POFUT2: variants seen among roughly 807,000 people sequenced by gnomAD.
POFUT2 encodes GDP-fucose protein O-fucosyltransferase 2.
In POFUT2, 30 loss-of-function variants were observed where a neutral mutation model predicts 55.0. The ratio of observed to expected loss-of-function variants is 0.55; its 90% CI spans 0.41 to 0.74. The LOEUF (loss-of-function observed/expected upper bound fraction) is 0.74, where lower values mean the gene tolerates loss of function less well. POFUT2 is among the 30% of genes least tolerant of loss of function. The probability of loss-of-function intolerance (pLI) is 0.00; values close to 1 mark genes in which losing one functional copy is unlikely to be tolerated. For synonymous variants in POFUT2, 267 were observed against 231.1 expected (o/e 1.16, Z -1.41); for missense variants, 524 against 562.6 (o/e 0.93, Z 0.69).
intron 6 of POFUT2, among the ~76,000 whole-genome samples, chr21:45,275,107 T>C (rs2093251114): frequency 6.6e-6 from 1 of 151,984 alleles, no homozygotes; most frequent in Non-Finnish European, 1.5e-5. Context: ...CATCAAAACA[T>C]AGGCTAGGGA....
chr21:45,282,946 A>ATCCC lies in POFUT2; in HGVS notation c.527+436_527+437insGGGA, dbSNP rs1207482540. ...CTGACAAGACCTCCATCCCTGTGGC[A>ATCCC]ACATCCAAATGCATGAAAAGACACA... On this transcript the variant is annotated intron_variant, in intron 3 of 8. Transcript: ENST00000349485. The surrounding 1 kb of genome is among the most constrained non-coding windows in gnomAD (Gnocchi z 4.6). The ATCCC allele has an allele frequency of 4.9e-5, 23 of 472,772 alleles. No individual in the cohort carries two copies. The highest frequency in any genetic ancestry group is 1.0e-4 in the Non-Finnish European group (23 of 228,524). The allele number at this position is 472,772 out of a possible 1,614,324, so 29.3% of individuals were successfully genotyped here. A position where few individuals can be genotyped will look rare whatever the true frequency, so the allele number is the denominator to read the frequency against.
Position 45,270,863 on chromosome 21 carries a change from G to C in POFUT2, c.832-844C>G, listed in dbSNP as rs1488931651. ...CTAGGGGAAGGCGAAGAGCGCCACAGAGCACCCCGTGGGATAAAAGAATCT... is the reference window on the plus strand; with the variant it reads ...CTAGGGGAAGGCGAAGAGCGCCACACAGCACCCCGTGGGATAAAAGAATCT... On this transcript the variant is annotated intron_variant, in intron 6 of 8. Transcript: ENST00000349485. The surrounding 1 kb of genome is among the most constrained non-coding windows in gnomAD (Gnocchi z 4.6). Among the ~76,000 whole-genome samples the C allele has an allele frequency of 2.0e-5, 3 of 152,242 alleles. No individual in the cohort carries two copies. Among genetic ancestry groups the C allele is most frequent in the Non-Finnish European group, 4.4e-5 (3 of 68,048 alleles).
intron 8 of POFUT2, chr21:45,266,250 G>T (rs777562203): frequency 4.4e-6 from 6 of 1,367,588 alleles, no homozygotes; most frequent in Non-Finnish European, 5.9e-6. Context: ...GCAAACCCCA[G>T]AGATGTTTCC....
chr21:45,277,423 C>A lies in POFUT2; in HGVS notation c.706-281G>T, dbSNP rs1193553061. On this transcript the variant is annotated intron_variant, in intron 5 of 8. Transcript: ENST00000349485. The surrounding 1 kb of genome is among the most constrained non-coding windows in gnomAD (Gnocchi z 6.9). Reference sequence around the variant, plus strand: ...ACACTGGGCTCAGCTGGCCGTTGCCCCTGGCTGGCACAACTGTGTGCAGCT... The same window carrying A: ...ACACTGGGCTCAGCTGGCCGTTGCCACTGGCTGGCACAACTGTGTGCAGCT... 9 of 443,214 alleles carry A rather than the reference C, an allele frequency of 2.0e-5. No individual in the cohort carries two copies. The highest frequency in any genetic ancestry group is 1.8e-4 in the African/African-American group (9 of 50,118). 27.5% of individuals were successfully genotyped at this position (443,214 alleles called of 1,614,324 possible).
At position 45,265,349 on chromosome 21, in the gene POFUT2, T is replaced by C; in HGVS notation, c.*133A>G. ...AGCTCTAGAGGCGTGGGGCCTCTTC[T>C]GGGCCTGGGACCCTGCGAGGGACGG... On this transcript the variant is annotated 3_prime_UTR_variant, in exon 9 of 9. Coordinates refer to ENST00000349485, the MANE Select transcript of POFUT2 (RefSeq NM_133635.6). The surrounding 1 kb of genome is among the most constrained non-coding windows in gnomAD (Gnocchi z 4.6). 2.6e-6 allele frequency: 2 copies of C among 758,570 alleles called. No homozygotes were observed. The highest frequency in any genetic ancestry group is 3.9e-5 in the South Asian group (2 of 51,070). 47.0% of individuals were successfully genotyped at this position (758,570 alleles called of 1,614,324 possible).
At position 45,285,841 on chromosome 21, in the gene POFUT2, CAG is replaced by C; in HGVS notation, c.217_218del (p.Leu73AlafsTer23). On this transcript the variant is annotated frameshift_variant, in exon 2 of 9. Coordinates refer to ENST00000349485, the MANE Select transcript of POFUT2 (RefSeq NM_133635.6). LOFTEE classifies it high-confidence loss of function. This position sits in a 1 kb window ranked among gnomAD's most constrained non-coding sequence, Gnocchi z 4.9. ...CAAGCACCCACTCCTCCGTCTTCAGCAGAGTCTTCAGGAGAGAGGCGATTCGG... is the reference window on the plus strand; with the variant it reads ...CAAGCACCCACTCCTCCGTCTTCAGCAGTCTTCAGGAGAGAGGCGATTCGG... ...YIRIASLLKT[L>X]LKTEEWVLVL... is the part of the protein sequence containing the mutation. 3 of 1,613,494 alleles carry C rather than the reference CAG, an allele frequency of 1.9e-6. No homozygotes were observed. The highest frequency in any genetic ancestry group is 2.5e-6 in the Non-Finnish European group (3 of 1,179,990).
At chr21:45,268,407 C>A (rs1329867290) in intron 7 of POFUT2, among the ~76,000 whole-genome samples, 1 of 151,826 alleles carries the variant, frequency 6.6e-6, no homozygotes, top group African/African-American at 2.4e-5. Context: ...GCCGCCACCC[C>A]ATCTGGGAAG....
Position 45,277,674 on chromosome 21 carries a change from C to T in POFUT2, c.705+429G>A, listed in dbSNP as rs1455859457. 4.4e-6 allele frequency: 1 copy of T among 226,792 alleles called. No individual in the cohort carries two copies. Among genetic ancestry groups the T allele is most frequent in the African/African-American group, 2.3e-5 (1 of 43,430 alleles). 14.0% of individuals were successfully genotyped at this position (226,792 alleles called of 1,614,324 possible). On this transcript the variant is annotated intron_variant, in intron 5 of 8. Transcript: ENST00000349485. The surrounding 1 kb of genome is among the most constrained non-coding windows in gnomAD (Gnocchi z 6.9). ...ACTTCCCGCCCTCTGCTCCCACTCACTCACAGAACCAGGGGTGGCTATGGG... is the reference window on the plus strand; with the variant it reads ...ACTTCCCGCCCTCTGCTCCCACTCATTCACAGAACCAGGGGTGGCTATGGG...
chr21:45,283,341 TG>T (rs11367431), intron 3 of POFUT2, 41 bp downstream of exon 3: 64,217 of 700,704 alleles, frequency 0.092, 2,715 homozygotes, highest in African/African-American at 0.32. Flanking sequence ...CAGGGGGAGG[TG>T]GGGGGGCACC....
In POFUT2 at chr21:45,277,879, A is replaced by G; in HGVS notation, c.705+224T>C. 1 of 590,072 alleles carries G rather than the reference A, an allele frequency of 1.7e-6. No individual in the cohort carries two copies. The highest frequency in any genetic ancestry group is 3.0e-6 in the Non-Finnish European group (1 of 331,246). 36.6% of individuals were successfully genotyped at this position (590,072 alleles called of 1,614,324 possible). A position where few individuals can be genotyped will look rare whatever the true frequency, so the allele number is the denominator to read the frequency against. On this transcript the variant is annotated intron_variant, in intron 5 of 8. Transcript: ENST00000349485. The surrounding 1 kb of genome is among the most constrained non-coding windows in gnomAD (Gnocchi z 6.9). ...CACCGCATTCAGGGCCTGTGGCATC[A>G]GAGGGGAGAGCTGGGTGGCCCTGCG...
In POFUT2 at chr21:45,285,928, C is replaced by A. The variant is rs1391713768; in HGVS notation, c.132G>T (p.Arg44=). The change falls in exon 2 of 9, where the codon CGG becomes CGT. Residue 44 remains arginine, a splice_region_variant and synonymous_variant. Coordinates refer to ENST00000349485, the MANE Select transcript of POFUT2 (RefSeq NM_133635.6). This position sits in a 1 kb window ranked among gnomAD's most constrained non-coding sequence, Gnocchi z 4.9. ...DILSGAASRR[R]YLLYDVNPPE... ...GGGGGTTGACGTCATACAGAAGATA[C>A]CTGAGCAGGGAGAAGGAGGACCACA... is the stretch of plus-strand genomic sequence containing the variant. 1.2e-6 allele frequency: 2 copies of A among 1,600,332 alleles called. No individual in the cohort carries two copies. The highest frequency in any genetic ancestry group is 1.3e-5 in the African/African-American group (1 of 74,700).
chr21:45,279,778 C>G (rs1272957566), intron 4 of POFUT2, among the ~76,000 whole-genome samples: 1 of 152,234 alleles, frequency 6.6e-6, no homozygotes, highest in East Asian at 1.9e-4. Context: ...TTTCTTCCAT[C>G]TGTACACAGA....
Position 45,265,973 on chromosome 21 carries a change from G to A in POFUT2, c.1137-338C>T, listed in dbSNP as rs1032092243. 49 of 1,232,490 alleles carry A rather than the reference G, an allele frequency of 4.0e-5. No individual in the cohort carries two copies. Among genetic ancestry groups the A allele is most frequent in the Non-Finnish European group, 4.5e-5 (44 of 968,730 alleles). 76.3% of individuals were successfully genotyped at this position (1,232,490 alleles called of 1,614,324 possible). A position where few individuals can be genotyped will look rare whatever the true frequency, so the allele number is the denominator to read the frequency against. On this transcript the variant is annotated intron_variant, in intron 8 of 8. Transcript: ENST00000349485. The surrounding 1 kb of genome is among the most constrained non-coding windows in gnomAD (Gnocchi z 4.6). ...CAGGCCAGGCACGCCAGTGCAGGTC[G>A]AATACCTCCTGGGGGTCACATGGTG...
At position 45,265,481 on chromosome 21, in the gene POFUT2, C is replaced by G. The variant is rs1199152031; in HGVS notation, c.*1G>C. 6.2e-7 allele frequency: 1 copy of G among 1,611,532 alleles called. No homozygotes were observed. Among genetic ancestry groups the G allele is most frequent in the East Asian group, 2.2e-5 (1 of 44,874 alleles). On this transcript the variant is annotated 3_prime_UTR_variant, in exon 9 of 9. Transcript: ENST00000349485. The surrounding 1 kb of genome is among the most constrained non-coding windows in gnomAD (Gnocchi z 4.6). Reference sequence around the variant, plus strand: ...CGGGGAGCGGCCCTGGAGGATCCTCCTCAGTAGGTGATCTTCCAGTGGGTG... The same window carrying G: ...CGGGGAGCGGCCCTGGAGGATCCTCGTCAGTAGGTGATCTTCCAGTGGGTG...
Position 45,282,292 on chromosome 21 carries a change from T to C in POFUT2, c.638+57A>G, listed in dbSNP as rs1279886282. 9.0e-7 allele frequency: 1 copy of C among 1,114,178 alleles called. No homozygotes were observed. The highest frequency in any genetic ancestry group is 1.5e-5 in the African/African-American group (1 of 65,074). 69.0% of individuals were successfully genotyped at this position (1,114,178 alleles called of 1,614,324 possible). A position where few individuals can be genotyped will look rare whatever the true frequency, so the allele number is the denominator to read the frequency against. On this transcript the variant is annotated intron_variant, in intron 4 of 8. Transcript: ENST00000349485. The surrounding 1 kb of genome is among the most constrained non-coding windows in gnomAD (Gnocchi z 4.6). Reference sequence around the variant, plus strand: ...TGGGCGGAGAGCCCCCAGCCCAGCATGCACGGAGCAGACGCCACAGCCTCC... The same window carrying C: ...TGGGCGGAGAGCCCCCAGCCCAGCACGCACGGAGCAGACGCCACAGCCTCC...
At position 45,265,438 on chromosome 21, in the gene POFUT2, A is replaced by C. The variant is rs1602140152; in HGVS notation, c.*44T>G. The C allele has an allele frequency of 6.5e-7, 1 of 1,541,284 alleles. No homozygotes were observed. The highest frequency in any genetic ancestry group is 1.9e-5 in the Admixed American group (1 of 53,680). ...CTCCACGGCGACAGAACCTGCATCC[A>C]CCCGCGCCTGTCGGGTCCGGGGAGC... On this transcript the variant is annotated 3_prime_UTR_variant, in exon 9 of 9. Coordinates refer to ENST00000349485, the MANE Select transcript of POFUT2 (RefSeq NM_133635.6). The surrounding 1 kb of genome is among the most constrained non-coding windows in gnomAD (Gnocchi z 4.6).
rs561785553 is a variant in POFUT2, at chr21:45,268,507, C to T, written c.1013-794G>A. Among the ~76,000 whole-genome samples, 905 of 151,640 alleles carry T rather than the reference C, an allele frequency of 6.0e-3. 2 individuals carry two copies. The highest frequency in any genetic ancestry group is 8.2e-3 in the Non-Finnish European group (553 of 67,836). ...CAGTCTGGAAAGTGAGGAGCATCTCCGCCCGGCCGCCATCCCATCTAGGAA... is the reference window on the plus strand; with the variant it reads ...CAGTCTGGAAAGTGAGGAGCATCTCTGCCCGGCCGCCATCCCATCTAGGAA... On this transcript the variant is annotated intron_variant, in intron 7 of 8. Coordinates refer to ENST00000349485, the MANE Select transcript of POFUT2 (RefSeq NM_133635.6).
chr21:45,286,048 T>C (rs2031372519), intron 1 of POFUT2, 120 bp from the exon 2 acceptor site: 3 of 854,044 alleles, frequency 3.5e-6, no homozygotes, highest in Non-Finnish European at 5.5e-6. Context: ...GGTTCCTAGT[T>C]TGTGAAGGCA....
intron 4 of POFUT2, among the ~76,000 whole-genome samples, chr21:45,280,177 A>G (rs2146638914): frequency 6.6e-6 from 1 of 152,306 alleles, no homozygotes; most frequent in Non-Finnish European, 1.5e-5. Context: ...AGCGCTTCAC[A>G]CACTTGCTCT....
Sources: gnomAD v4.1 joint callset for allele counts (sites outside exome capture counted in the v4.1 genomes callset) on GRCh38, gnomAD v4.1.1 for gene constraint, Gnocchi (gnomAD v3.1) non-coding constraint, MANE v1.5 for transcripts, NCBI Gene and HGNC (gene_info 2026-07-23, HGNC 2026-07-21) for gene names.